RASA3: variants seen among roughly 807,000 people sequenced by gnomAD.
RASA3 encodes ras GTPase-activating protein 3.
A neutral mutation model predicts 110.0 loss-of-function variants in RASA3; 73 were observed. The observed-to-expected ratio is 0.66, with a 90% confidence interval of 0.55 to 0.81. The LOEUF (loss-of-function observed/expected upper bound fraction) is 0.81, where lower values mean the gene tolerates loss of function less well. RASA3 is among the 30% of genes least tolerant of loss of function. The probability of loss-of-function intolerance (pLI) is 0.00; values close to 1 mark genes in which losing one functional copy is unlikely to be tolerated. For missense variants in RASA3, 976 were observed against 1,113.2 expected (o/e 0.88, Z 1.75); for synonymous variants, 500 against 451.4 (o/e 1.11, Z -1.37).
chr13:114,074,051 G>C (rs1322224968), intron 1 of RASA3, among the ~76,000 whole-genome samples: 1 of 152,186 alleles, frequency 6.6e-6, no homozygotes, highest in African/African-American at 2.4e-5. Context: ...TGCAAGTCCC[G>C]CAAGCAGGGA....
intron 22 of RASA3, among the ~76,000 whole-genome samples, chr13:113,988,966 C>T (rs1478669804): frequency 1.4e-5 from 2 of 146,822 alleles, no homozygotes; most frequent in Non-Finnish European, 3.0e-5. Context: ...ACCCATCACT[C>T]ACCCTGTCCG....
rs536957535 is a variant in RASA3, at chr13:113,979,311, C to T, written c.*36G>A. ...CCCAAAGGCTGCGGCTTTGCATGGG[C>T]AGCTTGCTGGCGCCACTGGGCGCGT... is the stretch of plus-strand genomic sequence containing the variant. On this transcript the variant is annotated 3_prime_UTR_variant, in exon 24 of 24. Coordinates refer to ENST00000334062, the MANE Select transcript of RASA3 (RefSeq NM_007368.4). 5.9e-6 allele frequency: 9 copies of T among 1,528,100 alleles called. No individual in the cohort carries two copies. The Admixed American group carries it at 1.3e-4, about 23-fold the overall frequency. The allele number at this position is 1,528,100 out of a possible 1,614,324, so 94.7% of individuals were successfully genotyped here.
intron 23 of RASA3, among the ~76,000 whole-genome samples, chr13:113,979,926 C>T (rs909093692): frequency 3.3e-5 from 5 of 151,220 alleles, no homozygotes; most frequent in African/African-American, 9.7e-5. Flanking sequence ...GTGCCTACCA[C>T]CTCCATGTGT....
chr13:114,053,243 G>C (rs1566531832), intron 2 of RASA3, among the ~76,000 whole-genome samples: 1 of 140,928 alleles, frequency 7.1e-6, no homozygotes, highest in Admixed American at 7.6e-5. Context: ...CCGCCCATGC[G>C]TGAGTCACCA....
chr13:114,049,038 A>G (rs1013753107), intron 3 of RASA3, among the ~76,000 whole-genome samples: 1 of 99,654 alleles, frequency 1.0e-5, no homozygotes, highest in African/African-American at 3.9e-5. Context: ...CCCCGACCCC[A>G]TAGGAATGCA....
intron 1 of RASA3, among the ~76,000 whole-genome samples, chr13:114,121,304 C>A (rs1003218406): frequency 2.0e-5 from 3 of 152,228 alleles, no homozygotes; most frequent in African/African-American, 7.2e-5. Context: ...ACGGGGCTGT[C>A]TGGAGAGTGT....
At chr13:114,126,209 T>C (rs1352741862) in intron 1 of RASA3, among the ~76,000 whole-genome samples, 615 of 107,578 alleles carry the variant, frequency 5.7e-3, no homozygotes, top group Middle Eastern at 0.017. Context: ...GCACCTGCTG[T>C]CCAACCTCGC....
At chr13:114,118,219 C>T (rs1190393282) in intron 1 of RASA3, among the ~76,000 whole-genome samples, 2 of 152,062 alleles carry the variant, frequency 1.3e-5, no homozygotes, top group African/African-American at 4.8e-5. Context: ...TATCCTGGGA[C>T]AGCCCCAGTT....
rs753591202 is a variant in RASA3 at position 114,009,383 on chromosome 13, T to C, written c.1668+4A>G. On this transcript the variant is annotated splice_donor_region_variant and intron_variant, in intron 17 of 23. Transcript: ENST00000334062. ...GGGCGGTCGGAGGGTGAGTCGATACTTACGTTCTTCACCGCATCAGCATAT... is the reference window on the plus strand; with the variant it reads ...GGGCGGTCGGAGGGTGAGTCGATACCTACGTTCTTCACCGCATCAGCATAT... 48 of 1,609,582 alleles carry C rather than the reference T, an allele frequency of 3.0e-5. 2 individuals carry two copies. The South Asian group carries it at 5.2e-4, about 17-fold the overall frequency.
At chr13:114,041,153 G>T in intron 3 of RASA3, 59 bp from the exon 4 acceptor site, 1 of 1,411,418 alleles carries the variant, frequency 7.1e-7, no homozygotes, top group Non-Finnish European at 1.0e-6. Context: ...CAGGACGCCT[G>T]TGAGCAGAAG....
intron 1 of RASA3, among the ~76,000 whole-genome samples, chr13:114,092,234 G>T (rs924052468): frequency 2.6e-5 from 4 of 152,004 alleles, no homozygotes; most frequent in Non-Finnish European, 5.9e-5. Context: ...TGATTTTCCA[G>T]TTCCTTGTGG....
chr13:114,013,854 G>T, intron 14 of RASA3, among the ~76,000 whole-genome samples: 1 of 32,534 alleles, frequency 3.1e-5, no homozygotes, highest in South Asian at 1.6e-3. Flanking sequence ...CCATCTCTCT[G>T]TCTCTCTCCC....
intron 2 of RASA3, among the ~76,000 whole-genome samples, chr13:114,059,746 C>T (rs1020361428): frequency 1.3e-5 from 2 of 152,250 alleles, no homozygotes; most frequent in South Asian, 2.1e-4. Context: ...GACCAAACAA[C>T]GGGGAGCACT....
In RASA3 at chr13:114,114,587, G is replaced by T. The variant is rs1044210296; in HGVS notation, c.55+17848C>A. Among the ~76,000 whole-genome samples the T allele has an allele frequency of 1.3e-5, 2 of 151,442 alleles. No homozygotes were observed. The highest frequency in any genetic ancestry group is 2.1e-4 in the South Asian group (1 of 4,818). On this transcript the variant is annotated intron_variant, in intron 1 of 23. Transcript: ENST00000334062. This position sits in a 1 kb window ranked among gnomAD's most constrained non-coding sequence, Gnocchi z 4.8. ...TTTACTTAAATAACAGCATATTCTCGTCTGGTCTTTAAACCACACAGGCCA... is the reference window on the plus strand; with the variant it reads ...TTTACTTAAATAACAGCATATTCTCTTCTGGTCTTTAAACCACACAGGCCA...
chr13:114,041,544 G>C (rs1460579907), intron 3 of RASA3, among the ~76,000 whole-genome samples: 1 of 152,256 alleles, frequency 6.6e-6, no homozygotes, highest in Non-Finnish European at 1.5e-5. Context: ...GTGCCTCGGA[G>C]CTGGCTGCAC....
intron 1 of RASA3, among the ~76,000 whole-genome samples, chr13:114,078,482 C>T (rs1016180683): frequency 5.3e-5 from 8 of 152,214 alleles, no homozygotes; most frequent in Admixed American, 2.0e-4. Flanking sequence ...TAACAGTTCT[C>T]ATGACCACTT....
intron 22 of RASA3, among the ~76,000 whole-genome samples, chr13:113,990,556 G>A (rs563864292): frequency 1.3e-5 from 2 of 152,336 alleles, no homozygotes; most frequent in South Asian, 4.1e-4. Context: ...GGAAGAGGCT[G>A]GCTGATGCCA....
In RASA3 at chr13:113,981,579, G is replaced by T. The variant is rs954728258; in HGVS notation, c.2429+96C>A. The stretch of plus-strand genomic sequence containing the variant: ...CTCCCAGGCGGACACCTGAGCACGG[G>T]CGGCCCCACCCGGGAGCTCCCTGCA... On this transcript the variant is annotated intron_variant, in intron 23 of 23. Transcript: ENST00000334062. 3.6e-6 allele frequency: 5 copies of T among 1,387,264 alleles called. 1 individual carries two copies. In the South Asian group the frequency reaches 6.4e-5, roughly 18 times the overall value. 85.9% of individuals were successfully genotyped at this position (1,387,264 alleles called of 1,614,324 possible).
At chr13:114,079,013 G>A (rs1212743213) in intron 1 of RASA3, among the ~76,000 whole-genome samples, 1 of 152,254 alleles carries the variant, frequency 6.6e-6, no homozygotes, top group African/African-American at 2.4e-5. Flanking sequence ...CTGGCCTCAT[G>A]TACTGCTCAA....
Sources: gnomAD v4.1 joint callset for allele counts (sites outside exome capture counted in the v4.1 genomes callset) on GRCh38, gnomAD v4.1.1 for gene constraint, Gnocchi (gnomAD v3.1) non-coding constraint, MANE v1.5 for transcripts, NCBI Gene and HGNC (gene_info 2026-07-23, HGNC 2026-07-21) for gene names.